TOP3A: variants seen among roughly 807,000 people sequenced by gnomAD.
TOP3A encodes DNA topoisomerase III alpha.
Under a neutral mutation model 111.3 loss-of-function variants are expected in TOP3A, and 64 were observed. The ratio of observed to expected loss-of-function variants is 0.57; its 90% CI spans 0.47 to 0.71. The LOEUF is 0.71. Ranked by LOEUF, TOP3A falls within the 30% of genes least tolerant of loss-of-function variation. TOP3A has a pLI of 0.00. For missense variants in TOP3A, 1,104 were observed against 1,285.0 expected (o/e 0.86, Z 2.15); for synonymous variants, 484 against 485.1 (o/e 1.00, Z 0.03).
intron 10 of TOP3A, among the ~76,000 whole-genome samples, chr17:18,293,094 G>A (rs947851193): frequency 9.2e-5 from 14 of 152,208 alleles, no homozygotes; most frequent in African/African-American, 3.1e-4. Flanking sequence ...GCACAGCACA[G>A]GAAAAAGGCC....
chr17:18,294,014 T>A (rs980662096), intron 10 of TOP3A, among the ~76,000 whole-genome samples: 1 of 152,246 alleles, frequency 6.6e-6, no homozygotes, highest in African/African-American at 2.4e-5. Flanking sequence ...ACAACTTGAA[T>A]TTCAACTGCT....
chr17:18,278,480 A>C, intron 17 of TOP3A, 123 bp from the exon 18 acceptor site: 1 of 852,826 alleles, frequency 1.2e-6, no homozygotes, highest in Non-Finnish European at 1.7e-6. Context: ...GGAAGCCCAC[A>C]CAAGTCCCCT....
chr17:18,293,746 G>A (rs1980622819), intron 10 of TOP3A, among the ~76,000 whole-genome samples: 1 of 151,982 alleles, frequency 6.6e-6, no homozygotes, highest in Non-Finnish European at 1.5e-5. Flanking sequence ...ACAGGTGCCT[G>A]CCACCACACC....
intron 11 of TOP3A, 96 bp from the exon 12 acceptor site, chr17:18,291,123 A>G (rs1980453353): frequency 7.9e-7 from 1 of 1,272,220 alleles, no homozygotes; most frequent in East Asian, 2.4e-5. Context: ...CCTGCACAGA[A>G]GAGGCCACAC....
Position 18,278,045 on chromosome 17 carries a change from A to T in TOP3A, c.2457T>A (p.Ala819=), listed in dbSNP as rs1210754264. The T allele has an allele frequency of 6.2e-7, 1 of 1,614,206 alleles. No homozygotes were observed. Residue 819 remains alanine (A), a synonymous_variant, in exon 18 of 19, where the codon GCT becomes GCA. Coordinates refer to ENST00000321105, the MANE Select transcript of TOP3A (RefSeq NM_004618.5). ...NSVTCNCGQE[A]VLLTVRKEGP... ...CCTCCTTACGGACAGTGAGCAGCAC[A>T]GCCTCCTGGCCACAGTTGCAGGTCA...
chr17:18,294,936 T>C (rs1980702493), intron 9 of TOP3A, 151 bp from the exon 10 acceptor site: 1 of 617,088 alleles, frequency 1.6e-6, no homozygotes, highest in East Asian at 2.8e-5. Flanking sequence ...CAACGATTTC[T>C]GGGCCTGCCA....
chr17:18,307,909 C>CA (rs146925164), intron 3 of TOP3A, among the ~76,000 whole-genome samples: 893 of 68,142 alleles, frequency 0.013, 13 homozygotes, highest in East Asian at 0.02. Context: ...GACCCTGACT[C>CA]AAAAAAAAAA....
intron 8 of TOP3A, among the ~76,000 whole-genome samples, chr17:18,301,336 G>A (rs543774148): frequency 1.6e-4 from 25 of 152,268 alleles, no homozygotes; most frequent in Non-Finnish European, 3.4e-4. Context: ...TGACACATGC[G>A]TGTCCCACCC....
chr17:18,304,857 C>T (rs1981456026), intron 5 of TOP3A, among the ~76,000 whole-genome samples: 1 of 152,022 alleles, frequency 6.6e-6, no homozygotes, highest in Admixed American at 6.6e-5. Flanking sequence ...ATGGTTTACA[C>T]CACTCATTAA....
At chr17:18,292,050 AAGG>A (rs1194341119) in intron 11 of TOP3A, among the ~76,000 whole-genome samples, 3 of 152,180 alleles carry the variant, frequency 2.0e-5, no homozygotes, top group East Asian at 3.8e-4. Context: ...TTATTAAAAG[AAGG>A]AGGAGAAGAA....
chr17:18,297,866 G>C (rs1438424375), intron 9 of TOP3A, among the ~76,000 whole-genome samples: 1 of 152,006 alleles, frequency 6.6e-6, no homozygotes, highest in African/African-American at 2.4e-5. Flanking sequence ...AGTGAGGAGC[G>C]TCTCTGCCCA....
chr17:18,301,768 TG>T, intron 8 of TOP3A, 116 bp downstream of exon 8: 1 of 814,122 alleles, frequency 1.2e-6, no homozygotes, highest in Non-Finnish European at 2.0e-6. Flanking sequence ...AGTGATCCCC[TG>T]AGATGCAAAC....
At chr17:18,291,098 G>C in intron 11 of TOP3A, 71 bp from the exon 12 acceptor site, 1 of 1,501,748 alleles carries the variant, frequency 6.7e-7, no homozygotes, top group Non-Finnish European at 9.1e-7. Context: ...ATCACTGGTA[G>C]CCTTAGCCTA....
At chr17:18,277,508 C>T (rs1407480261) in intron 18 of TOP3A, among the ~76,000 whole-genome samples, 167 bp downstream of exon 18, 1 of 152,258 alleles carries the variant, frequency 6.6e-6, no homozygotes, top group Non-Finnish European at 1.5e-5. Flanking sequence ...GTACAATTAT[C>T]ACCTTGCTGA....
intron 9 of TOP3A, among the ~76,000 whole-genome samples, chr17:18,298,107 C>T (rs1352225776): frequency 1.3e-5 from 2 of 151,606 alleles, no homozygotes; most frequent in Admixed American, 6.6e-5. Flanking sequence ...CGTCTCTGCC[C>T]GGCCGCCCCG....
intron 10 of TOP3A, among the ~76,000 whole-genome samples, chr17:18,293,452 AT>A (rs796749830): frequency 2.5e-3 from 362 of 142,224 alleles, no homozygotes; most frequent in Admixed American, 2.8e-3. Context: ...TGCCTGGCTA[AT>A]TTTTTTTTTT....
In TOP3A at chr17:18,292,703, T is replaced by C; in HGVS notation, c.1223A>G (p.Asn408Ser). Residue 408 changes from asparagine to serine, a missense_variant, in exon 11 of 19, where the codon AAC becomes AGC. Transcript: ENST00000321105. ...ERGGPTPRNG[N>S]KSDQAHPPIH... is the part of the protein sequence containing the mutation. ...GGGAGGGTGAGCTTGGTCAGACTTG[T>C]TCCCATTGCGTGGGGTGGGACCACC... 2 of 1,606,608 alleles carry C rather than the reference T, an allele frequency of 1.2e-6. No homozygotes were observed. The highest frequency in any genetic ancestry group is 2.7e-5 in the African/African-American group (2 of 74,836).
chr17:18,275,344 CTTTTTTTTTTT>C (rs71155327), intron 18 of TOP3A, among the ~76,000 whole-genome samples: 7 of 77,140 alleles, frequency 9.1e-5, no homozygotes, highest in Admixed American at 2.1e-4. Context: ...GCTGAACCAA[CTTTTTTTTTTT>C]TTTTTTTTTT....
In TOP3A at chr17:18,280,639, C is replaced by G; in HGVS notation, c.2041G>C (p.Gly681Arg). ...KNGGFYLSCM[G>R]FPECRSAVWL... ...ACAGCTGAGCGACACTCTGGGAAAC[C>G]CATGCAGCTGAGGTAGAACCTGGGG... The change falls in exon 17 of 19, where the codon GGT becomes CGT. Residue 681 changes from glycine to arginine, a missense_variant. Coordinates refer to ENST00000321105, the MANE Select transcript of TOP3A (RefSeq NM_004618.5). The G allele has an allele frequency of 3.1e-6, 5 of 1,614,110 alleles. No individual in the cohort carries two copies.
Sources: gnomAD v4.1 joint callset for allele counts (sites outside exome capture counted in the v4.1 genomes callset) on GRCh38, gnomAD v4.1.1 for gene constraint, MANE v1.5 for transcripts, NCBI Gene and HGNC (gene_info 2026-07-23, HGNC 2026-07-21) for gene names.